ANKH: variants seen among roughly 807,000 people sequenced by gnomAD.
ANKH encodes the protein ANKH inorganic pyrophosphate transport regulator.
ANKH carries 15 observed loss-of-function variants against 49.0 expected under a neutral mutation model. The observed-to-expected ratio is 0.31, with a 90% CI of 0.20 to 0.47. The LOEUF (loss-of-function observed/expected upper bound fraction) is 0.47, where lower values mean the gene tolerates loss of function less well. Ranked by LOEUF, ANKH falls within the 20% of genes least tolerant of loss-of-function variation. ANKH has a pLI of 1.00. For synonymous variants in ANKH, 273 were observed against 260.0 expected, an observed-to-expected ratio of 1.05 and a Z score of -0.48; for missense variants, 429 against 652.0, an observed-to-expected ratio of 0.66 and a Z score of 3.72.
At chr5:14,768,872 A>C (rs537723249) in intron 2 of ANKH, 103 bp downstream of exon 2, 1 of 1,262,912 alleles carries the variant, frequency 7.9e-7, no homozygotes, top group African/African-American at 1.5e-5. Flanking sequence ...AACATTTGAT[A>C]ATTAGTGAAG....
At chr5:14,776,000 G>T (rs1363256236) in intron 1 of ANKH, among the ~76,000 whole-genome samples, 1 of 152,188 alleles carries the variant, frequency 6.6e-6, no homozygotes, top group Non-Finnish European at 1.5e-5. Flanking sequence ...TGACTGGAGA[G>T]CTTGTGGGAA....
At chr5:14,865,690 C>T (rs890877622) in intron 1 of ANKH, among the ~76,000 whole-genome samples, 4 of 152,170 alleles carry the variant, frequency 2.6e-5, no homozygotes, top group African/African-American at 9.7e-5. Flanking sequence ...CTGCATCTGT[C>T]CTTTTTATTC....
intron 2 of ANKH, among the ~76,000 whole-genome samples, chr5:14,763,346 G>A (rs1739150082): frequency 6.6e-6 from 1 of 152,184 alleles, no homozygotes; most frequent in African/African-American, 2.4e-5. Context: ...AGGTATGTGT[G>A]TTTACATGGC....
chr5:14,771,168 C>T (rs1307241788), intron 1 of ANKH, among the ~76,000 whole-genome samples: 1 of 152,186 alleles, frequency 6.6e-6, no homozygotes, highest in Non-Finnish European at 1.5e-5. Context: ...CTGAATACAA[C>T]AAAAGATTCA....
intron 4 of ANKH, among the ~76,000 whole-genome samples, chr5:14,753,187 G>C (rs1304453550): frequency 2.0e-5 from 3 of 152,148 alleles, no homozygotes; most frequent in African/African-American, 7.2e-5. Context: ...GGAAGGTGAC[G>C]AATTTGGTTG....
At chr5:14,802,940 A>G (rs1396683382) in intron 1 of ANKH, among the ~76,000 whole-genome samples, 2 of 152,196 alleles carry the variant, frequency 1.3e-5, no homozygotes, top group Non-Finnish European at 2.9e-5. Context: ...CCCATCTTCA[A>G]GCAGGGATGT....
chr5:14,820,997 C>T (rs1415033514), intron 1 of ANKH, among the ~76,000 whole-genome samples: 1 of 151,678 alleles, frequency 6.6e-6, no homozygotes, highest in African/African-American at 2.4e-5. Context: ...CTCACAGGGG[C>T]TCAGGTGGGA....
At position 14,721,678 on chromosome 5, in the gene ANKH, T is replaced by TC. The variant is rs201052383; in HGVS notation, c.1012-4844dup. Among the ~76,000 whole-genome samples, 404 of 152,222 alleles carry TC rather than the reference T, an allele frequency of 2.7e-3. 3 individuals are homozygous for TC. The highest frequency in any genetic ancestry group is 0.021 in the East Asian group (111 of 5,170). ...TGGGCGTGGTGGCTCATGCCTGTAA[T>TC]CCAGCACTTTGGGAGGCCAAGGTGG... is the stretch of plus-strand genomic sequence containing the variant. On this transcript the variant is annotated intron_variant, in intron 8 of 11. Coordinates refer to ENST00000284268, the MANE Select transcript of ANKH (RefSeq NM_054027.6).
intron 8 of ANKH, among the ~76,000 whole-genome samples, chr5:14,723,197 T>G (rs1737722684): frequency 6.6e-6 from 1 of 152,008 alleles, no homozygotes; most frequent in African/African-American, 2.4e-5. Context: ...AGTGAAATCC[T>G]AATGCACCAT....
rs567631099 is a variant in ANKH at position 14,805,049 on chromosome 5, G to T, written c.97-35858C>A. Among the ~76,000 whole-genome samples, 4 of 152,238 alleles carry T rather than the reference G, an allele frequency of 2.6e-5. No individual in the cohort carries two copies. The South Asian group carries it at 8.3e-4, about 32-fold the overall frequency. Reference sequence around the variant, plus strand: ...TGAAGGATACAAAGTACTGATTTTTGATGTGTCTGCGAGGGTGTTGCTGAA... The same window carrying T: ...TGAAGGATACAAAGTACTGATTTTTTATGTGTCTGCGAGGGTGTTGCTGAA... On this transcript the variant is annotated intron_variant, in intron 1 of 11. Coordinates refer to ENST00000284268, the MANE Select transcript of ANKH (RefSeq NM_054027.6).
intron 2 of ANKH, among the ~76,000 whole-genome samples, chr5:14,763,701 C>G (rs1201303724): frequency 1.3e-5 from 2 of 152,218 alleles, no homozygotes; most frequent in Non-Finnish European, 2.9e-5. Flanking sequence ...AGATCTGCTT[C>G]TTTCTAGAGA....
At chr5:14,736,709 C>G (rs896398832) in intron 8 of ANKH, among the ~76,000 whole-genome samples, 2 of 152,240 alleles carry the variant, frequency 1.3e-5, no homozygotes, top group Admixed American at 6.5e-5. Flanking sequence ...TTGTTCTCCC[C>G]CTTCTCTGAC....
chr5:14,864,150 C>T (rs1735578956), intron 1 of ANKH, among the ~76,000 whole-genome samples: 1 of 152,214 alleles, frequency 6.6e-6, no homozygotes, highest in South Asian at 2.1e-4. Flanking sequence ...GAATTTGAGG[C>T]TGCAGTAAGC....
chr5:14,746,141 T>C (rs1474747730), intron 6 of ANKH, among the ~76,000 whole-genome samples, 179 bp from the exon 7 acceptor site: 1 of 151,968 alleles, frequency 6.6e-6, no homozygotes, highest in Non-Finnish European at 1.5e-5. Flanking sequence ...TGACAGCAAA[T>C]TGGGCTCCTA....
chr5:14,827,097 G>A (rs1741366872), intron 1 of ANKH, among the ~76,000 whole-genome samples: 1 of 152,188 alleles, frequency 6.6e-6, no homozygotes, highest in Non-Finnish European at 1.5e-5. Context: ...TCACCGACCT[G>A]GGCTAAGCAG....
chr5:14,762,687 G>A (rs10475027), intron 2 of ANKH, among the ~76,000 whole-genome samples: 85 of 145,220 alleles, frequency 5.9e-4, no homozygotes, highest in African/African-American at 2.1e-3. Flanking sequence ...CTGTTGGGGC[G>A]ACTCCCTCCC....
chr5:14,863,023 G>C (rs531013573), intron 1 of ANKH, among the ~76,000 whole-genome samples: 1 of 152,182 alleles, frequency 6.6e-6, no homozygotes, highest in East Asian at 1.9e-4. Context: ...CAAAAAGCAA[G>C]AACTCAATAA....
At chr5:14,816,927 T>G (rs1235790056) in intron 1 of ANKH, among the ~76,000 whole-genome samples, 1 of 152,208 alleles carries the variant, frequency 6.6e-6, no homozygotes, top group South Asian at 2.1e-4. Flanking sequence ...GTTGCACAGA[T>G]CTCAGCCTTT....
chr5:14,822,187 T>C (rs1260893317), intron 1 of ANKH, among the ~76,000 whole-genome samples: 3 of 152,224 alleles, frequency 2.0e-5, no homozygotes, highest in Non-Finnish European at 2.9e-5. Context: ...TATGTGTAAA[T>C]ACACACTGGA....
Sources: allele counts gnomAD v4.1 joint callset (sites outside exome capture counted in the v4.1 genomes callset), GRCh38; gene constraint gnomAD v4.1.1; transcripts MANE v1.5; gene names NCBI Gene and HGNC (gene_info 2026-07-23, HGNC 2026-07-21).